SND1: variants seen among roughly 807,000 people sequenced by gnomAD.
The protein encoded by SND1 is staphylococcal nuclease and tudor domain containing 1, also known as staphylococcal nuclease domain-containing protein 1.
Under a neutral mutation model 121.7 loss-of-function variants are expected in SND1, and 38 were observed. That is an observed-to-expected ratio of 0.31 (90% CI 0.24 to 0.41). SND1 has a LOEUF of 0.41. Ranked by LOEUF, SND1 falls within the 10% of genes least tolerant of loss-of-function variation. SND1 has a pLI of 1.00. For missense variants in SND1, 868 were observed against 1,184.6 expected (o/e 0.73, Z 3.92); for synonymous variants, 401 against 447.4 (o/e 0.90, Z 1.31).
intron 10 of SND1, among the ~76,000 whole-genome samples, chr7:127,794,180 T>C (rs1797967619): frequency 6.6e-6 from 1 of 152,204 alleles, no homozygotes; most frequent in Non-Finnish European, 1.5e-5. Flanking sequence ...CTCATTTTAC[T>C]GAATATTTAT....
chr7:127,898,599 T>A (rs146474768), intron 13 of SND1, among the ~76,000 whole-genome samples: 1 of 152,338 alleles, frequency 6.6e-6, no homozygotes, highest in East Asian at 1.9e-4. Context: ...TGAAACACAA[T>A]GAGAAGTGCT....
chr7:127,763,680 C>T (rs1007725407), intron 10 of SND1, among the ~76,000 whole-genome samples: 2 of 151,654 alleles, frequency 1.3e-5, no homozygotes, highest in African/African-American at 4.8e-5. Flanking sequence ...GAAAAACTTA[C>T]GGACAAAAAA....
chr7:127,916,586 T>G (rs1266573126), intron 14 of SND1, among the ~76,000 whole-genome samples: 1 of 152,164 alleles, frequency 6.6e-6, no homozygotes, highest in Non-Finnish European at 1.5e-5. Context: ...ATTTCAAGAT[T>G]ACGTATGGAT....
intron 10 of SND1, among the ~76,000 whole-genome samples, chr7:127,732,617 A>G (rs1796699497): frequency 6.6e-6 from 1 of 152,224 alleles, no homozygotes; most frequent in Non-Finnish European, 1.5e-5. Context: ...TTTTTAAAAC[A>G]TGGACAACAA....
intron 16 of SND1, among the ~76,000 whole-genome samples, chr7:128,008,482 A>AGG (rs1304076993): frequency 1.0e-5 from 1 of 97,060 alleles, no homozygotes; most frequent in Admixed American, 1.1e-4. Flanking sequence ...TTTTTTTTGG[A>AGG]GGGGGGTTGC....
At chr7:127,762,872 G>A (rs1372862880) in intron 10 of SND1, among the ~76,000 whole-genome samples, 5 of 152,224 alleles carry the variant, frequency 3.3e-5, no homozygotes, top group African/African-American at 1.2e-4. Flanking sequence ...ATGGCATCAT[G>A]TTTTGCTGTT....
chr7:128,031,227 C>T (rs960937485), intron 16 of SND1, among the ~76,000 whole-genome samples: 1 of 151,186 alleles, frequency 6.6e-6, no homozygotes, highest in Non-Finnish European at 1.5e-5. Flanking sequence ...CGCTTCCCGG[C>T]TTTGTCCTTG....
At chr7:127,987,454 C>A (rs1204769198) in intron 15 of SND1, among the ~76,000 whole-genome samples, 1 of 152,192 alleles carries the variant, frequency 6.6e-6, no homozygotes, top group Non-Finnish European at 1.5e-5. Context: ...CATGTGGCTT[C>A]ATCTGGCTTT....
At chr7:127,735,322 C>A (rs1796756255) in intron 10 of SND1, among the ~76,000 whole-genome samples, 1 of 152,140 alleles carries the variant, frequency 6.6e-6, no homozygotes, top group African/African-American at 2.4e-5. Flanking sequence ...AACTGGCTGT[C>A]TTTGTTACTG....
At chr7:128,007,758 G>A (rs138027444) in intron 16 of SND1, among the ~76,000 whole-genome samples, 85 of 152,326 alleles carry the variant, frequency 5.6e-4, no homozygotes, top group South Asian at 1.2e-3. Flanking sequence ...AAAGAGCATT[G>A]AGTGCAAAGA....
At chr7:127,689,548 G>A (rs1357097982) in intron 2 of SND1, among the ~76,000 whole-genome samples, 1 of 152,172 alleles carries the variant, frequency 6.6e-6, no homozygotes, top group East Asian at 1.9e-4. Flanking sequence ...TATCATAACT[G>A]TATCCCATGT....
At chr7:127,665,896 T>A (rs1186578469) in intron 1 of SND1, among the ~76,000 whole-genome samples, 1 of 152,200 alleles carries the variant, frequency 6.6e-6, no homozygotes, top group Non-Finnish European at 1.5e-5. Context: ...CAGGTTTTAA[T>A]GAGAAAAGTG....
intron 12 of SND1, among the ~76,000 whole-genome samples, chr7:127,880,122 A>G (rs957652074): frequency 1.3e-5 from 2 of 152,212 alleles, no homozygotes; most frequent in Non-Finnish European, 1.5e-5. Flanking sequence ...CTCACCTTCC[A>G]GCGTAGGCTA....
intron 15 of SND1, among the ~76,000 whole-genome samples, chr7:127,946,481 G>A (rs1428556981): frequency 6.6e-6 from 1 of 152,198 alleles, no homozygotes; most frequent in Admixed American, 6.5e-5. Context: ...AGCTTAGAGA[G>A]TGCAAGTTAG....
intron 12 of SND1, 122 bp from the exon 13 acceptor site, chr7:127,887,780 C>T: frequency 5.0e-6 from 3 of 603,094 alleles, no homozygotes; most frequent in Non-Finnish European, 8.9e-6. Flanking sequence ...GTCTTGAAAC[C>T]TTGGCTTCTC....
intron 11 of SND1, among the ~76,000 whole-genome samples, chr7:127,836,727 C>T (rs187518940): frequency 5.5e-4 from 83 of 152,240 alleles, no homozygotes; most frequent in Admixed American, 1.1e-3. Context: ...ACAGTTATTT[C>T]TTAACCTGAG....
At position 127,792,934 on chromosome 7, in the gene SND1, C is replaced by G. The variant is rs544973634; in HGVS notation, c.1153-14550C>G. On this transcript the variant is annotated intron_variant, in intron 10 of 23. Coordinates refer to ENST00000354725, the MANE Select transcript of SND1 (RefSeq NM_014390.4). Reference sequence around the variant, plus strand: ...CAGTTCTGGCTCTCTCTGGCACCCCCTATTGGCAGAGCCTAAGGAAGCCAG... The same window carrying G: ...CAGTTCTGGCTCTCTCTGGCACCCCGTATTGGCAGAGCCTAAGGAAGCCAG... Among the ~76,000 whole-genome samples the G allele has an allele frequency of 3.5e-4, 54 of 152,326 alleles. 1 individual carries two copies. The highest frequency in any genetic ancestry group is 9.8e-4 in the Admixed American group (15 of 15,296).
In SND1 at chr7:127,701,110, G is replaced by GT. The variant is rs1796092036; in HGVS notation, c.429-52dup. Reference sequence around the variant, plus strand: ...AAGAAAACCTATATCAGAGAGCCTCGTATTTCTGTTTGTGAACTCACTAAC... The same window carrying GT: ...AAGAAAACCTATATCAGAGAGCCTCGTTATTTCTGTTTGTGAACTCACTAAC... On this transcript the variant is annotated intron_variant, in intron 4 of 23. Coordinates refer to ENST00000354725, the MANE Select transcript of SND1 (RefSeq NM_014390.4). 18 of 1,590,474 alleles carry GT rather than the reference G, an allele frequency of 1.1e-5. No individual in the cohort carries two copies. In the South Asian group the frequency reaches 1.9e-4, roughly 17 times the overall value.
intron 15 of SND1, among the ~76,000 whole-genome samples, chr7:127,953,761 T>G (rs1801524943): frequency 6.6e-6 from 1 of 152,202 alleles, no homozygotes; most frequent in Admixed American, 6.5e-5. Context: ...AAACAAGTCT[T>G]GTTAATTTTC....
Sources: allele counts gnomAD v4.1 joint callset (sites outside exome capture counted in the v4.1 genomes callset), GRCh38; gene constraint gnomAD v4.1.1; transcripts MANE v1.5; gene names NCBI Gene and HGNC (gene_info 2026-07-23, HGNC 2026-07-21).